The following PDE7A variants were observed in gnomAD, a reference collection of about 807,000 sequenced individuals.
The protein encoded by PDE7A is phosphodiesterase 7A, also known as high affinity 3',5'-cyclic-AMP phosphodiesterase 7A.
Under a neutral mutation model 64.3 loss-of-function variants are expected in PDE7A, and 39 were observed. That is an observed-to-expected ratio of 0.61 (90% CI 0.47 to 0.79). PDE7A has a LOEUF of 0.79. Among genes scored for constraint, PDE7A ranks in the 30% least tolerant of loss-of-function variants. The pLI, the probability that PDE7A is intolerant of heterozygous loss-of-function variation, is 0.00. For missense variants in PDE7A, 470 were observed against 582.8 expected, an observed-to-expected ratio of 0.81 and a Z score of 1.99; for synonymous variants, 203 against 206.8, an observed-to-expected ratio of 0.98 and a Z score of 0.16.
chr8:65,800,824 A>G (rs959427445), intron 1 of PDE7A, among the ~76,000 whole-genome samples: 1 of 152,202 alleles, frequency 6.6e-6, no homozygotes, highest in Non-Finnish European at 1.5e-5. Context: ...TAGGGCTTAA[A>G]GTTTCGTCCA....
intron 3 of PDE7A, among the ~76,000 whole-genome samples, chr8:65,757,591 C>T (rs943725201): frequency 4.6e-5 from 7 of 151,888 alleles, no homozygotes; most frequent in Admixed American, 1.3e-4. Flanking sequence ...TCTCTTGCTC[C>T]AAGACTTTGT....
At position 65,717,757 on chromosome 8, in the gene PDE7A, TTTACAAATG is replaced by T. The variant is rs1156718568; in HGVS notation, c.*1524_*1532del. 1 of 152,210 alleles carries T rather than the reference TTTACAAATG, an allele frequency of 6.6e-6. No individual in the cohort carries two copies. The highest frequency in any genetic ancestry group is 1.5e-5 in the Non-Finnish European group (1 of 68,038). 9.4% of individuals were successfully genotyped at this position (152,210 alleles called of 1,614,324 possible). ...TATTAAAATGAGTATGGCAAAGCCT[TTTACAAATG>T]GCTTTACACTCAAGCTTTCTCCCAA... is the stretch of plus-strand genomic sequence containing the variant. On this transcript the variant is annotated 3_prime_UTR_variant, in exon 13 of 13. Transcript: ENST00000401827.
At chr8:65,755,137 C>T (rs1014733208) in intron 3 of PDE7A, among the ~76,000 whole-genome samples, 3 of 150,382 alleles carry the variant, frequency 2.0e-5, no homozygotes, top group African/African-American at 7.3e-5. Context: ...TCTCCTGCCT[C>T]AGCCTCCCAA....
intron 1 of PDE7A, among the ~76,000 whole-genome samples, chr8:65,786,469 C>T (rs1379079259): frequency 6.6e-6 from 1 of 152,046 alleles, no homozygotes; most frequent in Non-Finnish European, 1.5e-5. Flanking sequence ...TCTACAGTAA[C>T]TCATTTTGGA....
At position 65,715,293 on chromosome 8, in the gene PDE7A, TGA is replaced by T. The variant is rs1042889625; in HGVS notation, c.*3995_*3996del. Among the ~76,000 whole-genome samples, 1 of 151,950 alleles carries T rather than the reference TGA, an allele frequency of 6.6e-6. No individual in the cohort carries two copies. The highest frequency in any genetic ancestry group is 2.4e-5 in the African/African-American group (1 of 41,324). On this transcript the variant is annotated 3_prime_UTR_variant, in exon 13 of 13. Coordinates refer to ENST00000401827, the MANE Select transcript of PDE7A (RefSeq NM_001242318.3). ...TCTCACACCTGTAATCCCAGCACTT[TGA>T]GAGGCCACGGTGGCAGGACTGCTTG...
intron 5 of PDE7A, among the ~76,000 whole-genome samples, chr8:65,740,740 C>T (rs925423135): frequency 2.6e-5 from 4 of 152,152 alleles, no homozygotes; most frequent in African/African-American, 9.7e-5. Context: ...ATCCACACCT[C>T]CTCAGAGATA....
At chr8:65,799,102 C>T (rs1023140257) in intron 1 of PDE7A, among the ~76,000 whole-genome samples, 3 of 152,052 alleles carry the variant, frequency 2.0e-5, no homozygotes, top group African/African-American at 7.2e-5. Context: ...TGGGGGGAAC[C>T]TATGGCAAAG....
intron 3 of PDE7A, among the ~76,000 whole-genome samples, chr8:65,766,665 T>G (rs1239132127): frequency 1.3e-5 from 2 of 152,218 alleles, no homozygotes; most frequent in Non-Finnish European, 2.9e-5. Context: ...CCCTCTCTCC[T>G]CTTCCTCCAT....
At chr8:65,769,297 T>TA (rs1808960798) in intron 3 of PDE7A, among the ~76,000 whole-genome samples, 1 of 149,142 alleles carries the variant, frequency 6.7e-6, no homozygotes, top group African/African-American at 2.5e-5. Context: ...ATATTTTTTT[T>TA]AAAAAATTGT....
At chr8:65,754,221 C>T (rs1163162931) in intron 3 of PDE7A, among the ~76,000 whole-genome samples, 12 of 151,990 alleles carry the variant, frequency 7.9e-5, no homozygotes, top group Admixed American at 3.3e-4. Flanking sequence ...AGTCTAGCCA[C>T]GCTGGCAGCT....
At chr8:65,745,588 A>C (rs909003808) in intron 4 of PDE7A, 118 bp from the exon 5 acceptor site, 32 of 617,052 alleles carry the variant, frequency 5.2e-5, no homozygotes, top group Non-Finnish European at 8.6e-5. Flanking sequence ...TAAAAAATAC[A>C]AGTATCATTT....
At chr8:65,730,171 C>CTTCTCTTTTTTTTTTTTTTTTT (rs1295965698) in intron 7 of PDE7A, among the ~76,000 whole-genome samples, 1 of 86,434 alleles carries the variant, frequency 1.2e-5, no homozygotes, top group African/African-American at 4.8e-5. Flanking sequence ...TTGCGCACTT[C>CTTCTCTTTTTTTTTTTTTTTTT]TTTTTTTTTT....
At position 65,730,164 on chromosome 8, in the gene PDE7A, C is replaced by A. The variant is rs1009595060; in HGVS notation, c.697-2863G>T. Among the ~76,000 whole-genome samples, 7 of 95,018 alleles carry A rather than the reference C, an allele frequency of 7.4e-5. 1 individual carries two copies. Among genetic ancestry groups the A allele is most frequent in the African/African-American group, 3.2e-4 (7 of 22,180 alleles). The allele number at this position is 95,018 out of a possible 152,430, so 62.3% of individuals were successfully genotyped here. A position where few individuals can be genotyped will look rare whatever the true frequency, so the allele number is the denominator to read the frequency against. On this transcript the variant is annotated intron_variant, in intron 7 of 12. Transcript: ENST00000401827. ...CTGTGCATGTGAGGGATCCAGGTTG[C>A]GCACTTCTTTTTTTTTTTTTTTTTT... is the stretch of plus-strand genomic sequence containing the variant.
chr8:65,771,246 T>TA (rs1259474596), intron 3 of PDE7A: 2 of 152,986 alleles, frequency 1.3e-5, no homozygotes, highest in Non-Finnish European at 2.9e-5. Flanking sequence ...ACTGTACATA[T>TA]AAAAAATCTT....
chr8:65,774,052 G>A (rs946294230), intron 3 of PDE7A, among the ~76,000 whole-genome samples: 3 of 151,978 alleles, frequency 2.0e-5, no homozygotes, highest in South Asian at 2.1e-4. Context: ...TGAGCAATAC[G>A]TTCACATGAG....
intron 1 of PDE7A, among the ~76,000 whole-genome samples, chr8:65,803,544 T>C (rs997291634): frequency 2.0e-5 from 3 of 152,226 alleles, no homozygotes; most frequent in Non-Finnish European, 4.4e-5. Context: ...AAATTTACTT[T>C]CAGGAGACAA....
In PDE7A at chr8:65,841,614, A is replaced by T; in HGVS notation, c.-106T>A. The T allele has an allele frequency of 1.1e-5, 4 of 357,834 alleles. No individual in the cohort carries two copies. The highest frequency in any genetic ancestry group is 2.3e-5 in the African/African-American group (1 of 44,008). The allele number at this position is 357,834 out of a possible 1,614,324, so 22.2% of individuals were successfully genotyped here. On this transcript the variant is annotated 5_prime_UTR_variant, in exon 1 of 13. Transcript: ENST00000401827. ...GGGGGCTCCGGGCCGAGACGGGGGC[A>T]GGGCGGGCGGGGACCGACCCCGGGC...
At chr8:65,763,029 G>GTGTGTGTGTC (rs1808590331) in intron 3 of PDE7A, among the ~76,000 whole-genome samples, 4 of 146,204 alleles carry the variant, frequency 2.7e-5, no homozygotes, top group African/African-American at 1.0e-4. Flanking sequence ...GTGTGTGTGT[G>GTGTGTGTGTC]TGTGTGTGTA....
At chr8:65,810,503 A>C (rs117470860) in intron 1 of PDE7A, among the ~76,000 whole-genome samples, 8,685 of 152,356 alleles carry the variant, frequency 0.057, 354 homozygotes, top group Middle Eastern at 0.11. Context: ...TAATAAAAAA[A>C]GTATTGCTGT....
Sources: gnomAD v4.1 joint callset for allele counts (sites outside exome capture counted in the v4.1 genomes callset) on GRCh38, gnomAD v4.1.1 for gene constraint, MANE v1.5 for transcripts, NCBI Gene and HGNC (gene_info 2026-07-23, HGNC 2026-07-21) for gene names.